UNC13C: variants seen among roughly 807,000 people sequenced by gnomAD.
The protein encoded by UNC13C is protein unc-13 homolog C.
UNC13C carries 174 observed loss-of-function variants against 245.4 expected under a neutral mutation model. The observed-to-expected ratio is 0.71, with a 90% confidence interval of 0.63 to 0.80. The LOEUF is 0.80. Among genes scored for constraint, UNC13C ranks in the 30% least tolerant of loss-of-function variants. UNC13C has a pLI of 0.00. For synonymous variants in UNC13C, 992 were observed against 895.1 expected, an observed-to-expected ratio of 1.11 and a Z score of -1.93; for missense variants, 2,829 against 2,602.9, an observed-to-expected ratio of 1.09 and a Z score of -1.89.
rs560202716 is a variant in UNC13C at position 54,384,230 on chromosome 15, G to A, written c.4714-8818G>A. Among the ~76,000 whole-genome samples the A allele has an allele frequency of 4.6e-5, 7 of 152,146 alleles. 1 individual carries two copies. The highest frequency in any genetic ancestry group is 8.8e-5 in the Non-Finnish European group (6 of 67,972). ...ACCCTGAGCATAAAGAACAAACCCG[G>A]AGGCATCATGCTATCTGACTTCAAA... On this transcript the variant is annotated intron_variant, in intron 17 of 32. Coordinates refer to ENST00000260323, the MANE Select transcript of UNC13C (RefSeq NM_001080534.3).
chr15:54,000,760 G>A (rs1483135931), intron 1 of UNC13C, among the ~76,000 whole-genome samples: 1 of 152,200 alleles, frequency 6.6e-6, no homozygotes, highest in East Asian at 1.9e-4. Flanking sequence ...AATACTTTGT[G>A]AACAGATTTT....
At chr15:54,159,115 C>G (rs2032871345) in intron 4 of UNC13C, among the ~76,000 whole-genome samples, 1 of 152,188 alleles carries the variant, frequency 6.6e-6, no homozygotes, top group African/African-American at 2.4e-5. Context: ...AAACTTGACA[C>G]TTTCTGTACC....
chr15:53,962,004 G>A, the UNC13C span, among the ~76,000 whole-genome samples: 5 of 152,110 alleles, frequency 3.3e-5, no homozygotes, highest in African/African-American at 7.2e-5. Context: ...AATTTTAGGA[G>A]TTACTGAGTT....
At chr15:54,072,672 G>T (rs1898385878) in intron 2 of UNC13C, among the ~76,000 whole-genome samples, 1 of 152,120 alleles carries the variant, frequency 6.6e-6, no homozygotes, top group African/African-American at 2.4e-5. Context: ...AGATGGGAAA[G>T]GAATTTGAAT....
chr15:54,242,390 A>T (rs2035877478), intron 7 of UNC13C, among the ~76,000 whole-genome samples: 1 of 152,086 alleles, frequency 6.6e-6, no homozygotes, highest in African/African-American at 2.4e-5. Flanking sequence ...TTTTTCAGCA[A>T]GTTGTCTTGT....
chr15:54,127,527 G>A (rs555445810), intron 2 of UNC13C, among the ~76,000 whole-genome samples: 182 of 151,974 alleles, frequency 1.2e-3, no homozygotes, highest in African/African-American at 4.3e-3. Flanking sequence ...GACACAGAGA[G>A]GGGAACATCA....
chr15:54,455,895 T>G (rs1420970724), intron 19 of UNC13C, among the ~76,000 whole-genome samples: 1 of 152,184 alleles, frequency 6.6e-6, no homozygotes, highest in Non-Finnish European at 1.5e-5. Context: ...CTATATATCT[T>G]TGTTTTTGTT....
In UNC13C at chr15:54,494,645, T is replaced by A. The variant is rs1273334817; in HGVS notation, c.4971T>A (p.Tyr1657Ter). 1 of 1,610,790 alleles carries A rather than the reference T, an allele frequency of 6.2e-7. No homozygotes were observed. The highest frequency in any genetic ancestry group is 8.5e-7 in the Non-Finnish European group (1 of 1,178,466). The change falls in exon 20 of 33, where the codon TAT (tyrosine) becomes TAA (stop). Residue 1657 changes from tyrosine (Y) to a stop codon, truncating the protein, a stop_gained. Transcript: ENST00000260323. LOFTEE classifies it high-confidence loss of function. ...AGCGGTTATGCAAGAGCACCGATTA[T>A]ATGAATTTGCATTTCAAAGTTAAAT... ...ENQRLCKSTD[Y>*]MNLHFKVKWF...
intron 25 of UNC13C, among the ~76,000 whole-genome samples, chr15:54,528,265 G>A (rs1394940113): frequency 6.6e-6 from 1 of 151,436 alleles, no homozygotes; most frequent in Non-Finnish European, 1.5e-5. Context: ...CAAAAGGTGT[G>A]CCACTAGGGT....
intron 19 of UNC13C, among the ~76,000 whole-genome samples, chr15:54,493,156 A>C (rs1457399039): frequency 6.6e-6 from 1 of 152,210 alleles, no homozygotes; most frequent in Admixed American, 6.5e-5. Flanking sequence ...TTTATCAAGT[A>C]AATGTTTTCT....
the UNC13C span, among the ~76,000 whole-genome samples, chr15:53,840,299 A>G: frequency 2.0e-5 from 3 of 152,140 alleles, no homozygotes; most frequent in Admixed American, 2.0e-4. Context: ...TCTTATTCTA[A>G]ATGTCTAATA....
At chr15:53,965,561 T>TATTA in the UNC13C span, among the ~76,000 whole-genome samples, 1 of 135,814 alleles carries the variant, frequency 7.4e-6, no homozygotes, top group East Asian at 2.2e-4. Flanking sequence ...TTTATTTATT[T>TATTA]ATTTATTTAT....
chr15:54,357,153 G>A (rs1274027910), intron 17 of UNC13C, among the ~76,000 whole-genome samples: 4 of 151,870 alleles, frequency 2.6e-5, no homozygotes, highest in South Asian at 2.1e-4. Context: ...AATCTCATCC[G>A]ATCTTTCCGT....
At position 54,628,161 on chromosome 15, in the gene UNC13C, G is replaced by A. The variant is rs1901306810; in HGVS notation, c.*1048G>A. ...GCCCCAAATGCATCAAATGCAGTAG[G>A]AGAACAATGTAATACAGCTTGGTAC... On this transcript the variant is annotated 3_prime_UTR_variant, in exon 33 of 33. Coordinates refer to ENST00000260323, the MANE Select transcript of UNC13C (RefSeq NM_001080534.3). 6.6e-6 allele frequency: 1 copy of A among 152,108 alleles called. No individual in the cohort carries two copies. The highest frequency in any genetic ancestry group is 2.4e-5 in the African/African-American group (1 of 41,436). 9.4% of individuals were successfully genotyped at this position (152,108 alleles called of 1,614,324 possible).
chr15:54,202,565 G>A (rs1394321580), intron 4 of UNC13C, among the ~76,000 whole-genome samples: 1 of 151,924 alleles, frequency 6.6e-6, no homozygotes, highest in Non-Finnish European at 1.5e-5. Context: ...CATAAAGTGA[G>A]GGAAATCATC....
chr15:54,537,254 T>A, intron 26 of UNC13C, among the ~76,000 whole-genome samples: 1 of 151,012 alleles, frequency 6.6e-6, no homozygotes, highest in African/African-American at 2.4e-5. Flanking sequence ...TACAAGAAAA[T>A]CCCTAGAAAT....
At chr15:54,184,816 A>G (rs570582248) in intron 4 of UNC13C, among the ~76,000 whole-genome samples, 2 of 152,142 alleles carry the variant, frequency 1.3e-5, no homozygotes, top group African/African-American at 4.8e-5. Context: ...TGGTATTTCT[A>G]GTTCTAGATC....
intron 2 of UNC13C, among the ~76,000 whole-genome samples, chr15:54,086,723 T>G (rs190980520): frequency 2.1e-5 from 3 of 145,574 alleles, no homozygotes; most frequent in Admixed American, 7.0e-5. Context: ...TACTATGTGT[T>G]GCTTATTTTC....
rs906491023 is a variant in UNC13C, at chr15:54,334,980, G to GA, written c.4584+1134dup. Among the ~76,000 whole-genome samples, 926 of 147,644 alleles carry GA rather than the reference G, an allele frequency of 6.3e-3. 4 individuals are homozygous for GA. Among genetic ancestry groups the GA allele is most frequent in the African/African-American group, 0.021 (847 of 40,444 alleles). On this transcript the variant is annotated intron_variant, in intron 16 of 32. Coordinates refer to ENST00000260323, the MANE Select transcript of UNC13C (RefSeq NM_001080534.3). ...TGATTACTTTGCTTCCTATTTCAAT[G>GA]AAAAAAAAAATAGGAGGAAAGAAAG...
Sources: gnomAD v4.1 joint callset for allele counts (sites outside exome capture counted in the v4.1 genomes callset) on GRCh38, gnomAD v4.1.1 for gene constraint, MANE v1.5 for transcripts, NCBI Gene and HGNC (gene_info 2026-07-23, HGNC 2026-07-21) for gene names.